Variants in TIAM2 observed in about 807,000 individuals in gnomAD.
TIAM2 encodes the protein rho guanine nucleotide exchange factor TIAM2.
TIAM2 carries 80 observed loss-of-function variants against 152.9 expected under a neutral mutation model. The observed-to-expected ratio is 0.52, with a 90% CI of 0.44 to 0.63. TIAM2 has a LOEUF of 0.63. Ranked by LOEUF, TIAM2 falls within the 30% of genes least tolerant of loss-of-function variation. The pLI, the probability that TIAM2 is intolerant of heterozygous loss-of-function variation, is 0.00. For synonymous variants in TIAM2, 804 were observed against 838.0 expected, an observed-to-expected ratio of 0.96 and a Z score of 0.70; for missense variants, 1,965 against 2,120.1, an observed-to-expected ratio of 0.93 and a Z score of 1.44.
intron 2 of TIAM2, among the ~76,000 whole-genome samples, chr6:155,105,983 A>ATTTTATTTTATTTTAT (rs1554230734): frequency 7.1e-6 from 1 of 140,524 alleles, no homozygotes; most frequent in Non-Finnish European, 1.5e-5. Context: ...GGGTATTTTT[A>ATTTTATTTTATTTTAT]TTTATTTTAT....
intron 17 of TIAM2, 94 bp from the exon 18 acceptor site, chr6:155,244,564 A>C: frequency 6.9e-7 from 1 of 1,442,590 alleles, no homozygotes; most frequent in Non-Finnish European, 9.4e-7. Context: ...TCCGTGAAGA[A>C]TTTCCTTGTG....
chr6:155,042,602 A>T (rs1777074234), intron 1 of TIAM2, among the ~76,000 whole-genome samples: 1 of 152,134 alleles, frequency 6.6e-6, no homozygotes, highest in Non-Finnish European at 1.5e-5. Flanking sequence ...GTCTCAAATA[A>T]ATAATAGCAA....
chr6:155,117,394 C>A (rs1779040396), intron 2 of TIAM2, among the ~76,000 whole-genome samples: 1 of 152,126 alleles, frequency 6.6e-6, no homozygotes, highest in Non-Finnish European at 1.5e-5. Flanking sequence ...TGTGGGATTG[C>A]CGGTTTCACC....
In TIAM2 at chr6:155,174,178, C is replaced by T. The variant is rs1030997144; in HGVS notation, c.2362-2638C>T. The stretch of plus-strand genomic sequence containing the variant: ...TGTGAACCAGCTCATCCCAGACTTC[C>T]ACCCTTCAGATCCCCGGAGTACCAT... On this transcript the variant is annotated intron_variant, in intron 9 of 26. Coordinates refer to ENST00000682666, the MANE Select transcript of TIAM2 (RefSeq NM_012454.4). This position sits in a 1 kb window ranked among gnomAD's most constrained non-coding sequence, Gnocchi z 4.2. Among the ~76,000 whole-genome samples, 5 of 152,188 alleles carry T rather than the reference C, an allele frequency of 3.3e-5. No homozygotes were observed. The highest frequency in any genetic ancestry group is 9.7e-5 in the African/African-American group (4 of 41,436).
chr6:155,172,758 A>G (rs1039273740), intron 9 of TIAM2, among the ~76,000 whole-genome samples: 16 of 136,774 alleles, frequency 1.2e-4, no homozygotes, highest in African/African-American at 4.0e-4. Flanking sequence ...GGTGCGTAAC[A>G]GTCCTGGCAA....
At chr6:155,001,925 G>A (rs1778318394) in intron 1 of TIAM2, among the ~76,000 whole-genome samples, 1 of 152,088 alleles carries the variant, frequency 6.6e-6, no homozygotes. Flanking sequence ...TGAAAGTGAA[G>A]GATTCTCATT....
At chr6:155,035,511 C>G (rs1776906610) in intron 1 of TIAM2, among the ~76,000 whole-genome samples, 1 of 152,000 alleles carries the variant, frequency 6.6e-6, no homozygotes, top group African/African-American at 2.4e-5. Flanking sequence ...GTGAGACTAC[C>G]CAGCCTTTTC....
chr6:155,114,040 T>TTA (rs1778945393), intron 2 of TIAM2, among the ~76,000 whole-genome samples: 1 of 38,970 alleles, frequency 2.6e-5, no homozygotes, highest in Non-Finnish European at 5.1e-5. Flanking sequence ...ATATATATTT[T>TTA]TTTTTTTTTC....
Position 155,029,923 on chromosome 6 carries a change from G to C in TIAM2, c.-209+34431G>C, listed in dbSNP as rs532322066. ...TCCTCCCGTCTCAGCCTCCCAAGTA[G>C]CTGGGACCACAGGCATGCGCCACTA... On this transcript the variant is annotated intron_variant, in intron 1 of 26. Coordinates refer to ENST00000682666, the MANE Select transcript of TIAM2 (RefSeq NM_012454.4). Among the ~76,000 whole-genome samples the C allele has an allele frequency of 3.7e-4, 56 of 151,784 alleles. 1 individual carries two copies. Among genetic ancestry groups the C allele is most frequent in the African/African-American group, 1.3e-3 (52 of 41,422 alleles).
intron 7 of TIAM2, among the ~76,000 whole-genome samples, chr6:155,150,882 C>T (rs968257405): frequency 3.5e-4 from 54 of 152,262 alleles, no homozygotes; most frequent in Middle Eastern, 3.4e-3. Context: ...GTGGATTAAG[C>T]AGTGAAGGAT....
At chr6:155,102,618 A>G (rs2114994460) in intron 2 of TIAM2, among the ~76,000 whole-genome samples, 1 of 152,318 alleles carries the variant, frequency 6.6e-6, no homozygotes, top group Non-Finnish European at 1.5e-5. Flanking sequence ...GGATAGGAAC[A>G]GAAACCCTCA....
intron 14 of TIAM2, among the ~76,000 whole-genome samples, chr6:155,185,350 C>T (rs1781016234): frequency 6.6e-6 from 1 of 151,936 alleles, no homozygotes; most frequent in African/African-American, 2.4e-5. Flanking sequence ...TGGTCTTGAA[C>T]TCCTGACCTC....
chr6:155,179,457 G>A lies in TIAM2; in HGVS notation c.2707+1G>A, dbSNP rs1195118174. On this transcript the variant is annotated splice_donor_variant, in intron 12 of 26. Transcript: ENST00000682666. LOFTEE classifies it high-confidence loss of function. ...AAGACTGGGAGTGTGTGTGACTTTG[G>A]TGAGTGTAAGGAATGCCCCTTTCAG... 5 of 1,611,354 alleles carry A rather than the reference G, an allele frequency of 3.1e-6. No homozygotes were observed. The highest frequency in any genetic ancestry group is 1.3e-5 in the African/African-American group (1 of 74,800).
At chr6:155,160,276 G>GTGTCCC (rs1329125913) in intron 7 of TIAM2, among the ~76,000 whole-genome samples, 1 of 152,174 alleles carries the variant, frequency 6.6e-6, no homozygotes, top group Non-Finnish European at 1.5e-5. Context: ...AAAAAAGCCA[G>GTGTCCC]TGTCCCAGTT....
intron 1 of TIAM2, among the ~76,000 whole-genome samples, chr6:155,081,054 CT>C: frequency 6.6e-6 from 1 of 152,138 alleles, no homozygotes; most frequent in African/African-American, 2.4e-5. Flanking sequence ...GGAAATATTT[CT>C]TTGTTTAGTG....
chr6:155,166,064 T>C (rs1427320296), intron 9 of TIAM2, among the ~76,000 whole-genome samples: 1 of 152,206 alleles, frequency 6.6e-6, no homozygotes, highest in Non-Finnish European at 1.5e-5. Flanking sequence ...AGCTCAGTTC[T>C]GTTGATAGAG....
intron 13 of TIAM2, 37 bp from the exon 14 acceptor site, chr6:155,183,200 C>A (rs1316787769): frequency 2.5e-6 from 4 of 1,598,598 alleles, no homozygotes; most frequent in South Asian, 2.2e-5. Flanking sequence ...ACAGTAATCC[C>A]TCTCTCTTTT....
At chr6:155,216,478 G>A (rs73006759) in intron 15 of TIAM2, among the ~76,000 whole-genome samples, 4,814 of 152,296 alleles carry the variant, frequency 0.032, 136 homozygotes, top group Non-Finnish European at 0.044. Flanking sequence ...TCTGCAAATG[G>A]TTCCTAATTG....
At chr6:155,194,248 C>T (rs1329833510) in intron 14 of TIAM2, among the ~76,000 whole-genome samples, 2 of 152,112 alleles carry the variant, frequency 1.3e-5, no homozygotes, top group Non-Finnish European at 2.9e-5. Flanking sequence ...TGGTTGGAGA[C>T]TCAGGTGCAA....
Sources: gnomAD v4.1 joint callset for allele counts (sites outside exome capture counted in the v4.1 genomes callset) on GRCh38, gnomAD v4.1.1 for gene constraint, Gnocchi (gnomAD v3.1) non-coding constraint, MANE v1.5 for transcripts, NCBI Gene and HGNC (gene_info 2026-07-23, HGNC 2026-07-21) for gene names.